TOP6BL: variants seen among roughly 807,000 people sequenced by gnomAD.
The protein encoded by TOP6BL is TOP6B like initiator of meiotic double strand breaks.
chr11:66,829,184 G>A, the TOP6BL span, among the ~76,000 whole-genome samples: 2 of 151,786 alleles, frequency 1.3e-5, no homozygotes, highest in Non-Finnish European at 2.9e-5. Context: ...CCAGGAGTAT[G>A]AGACCAGCCT....
chr11:66,750,437 C>T, the TOP6BL span, among the ~76,000 whole-genome samples: 2 of 152,016 alleles, frequency 1.3e-5, no homozygotes, highest in African/African-American at 4.8e-5. Flanking sequence ...ATCCCAGCTA[C>T]TCGGGAGGCT....
chr11:66,837,958 C>A, the TOP6BL span, among the ~76,000 whole-genome samples: 2 of 152,078 alleles, frequency 1.3e-5, no homozygotes, highest in African/African-American at 4.8e-5. Flanking sequence ...GTCAAACTTA[C>A]CTGGTGTAAG....
At chr11:66,758,962 GT>G in the TOP6BL span, 1 of 1,081,336 alleles carries the variant, frequency 9.2e-7, no homozygotes, top group Non-Finnish European at 1.3e-6. Flanking sequence ...TCTGTAAGCA[GT>G]TTTTTAGACT....
chr11:66,746,145 ATAGT>A, the TOP6BL span, among the ~76,000 whole-genome samples: 4 of 152,176 alleles, frequency 2.6e-5, no homozygotes, highest in African/African-American at 7.2e-5. Context: ...GTGTGAAGGA[ATAGT>A]TAGACTCTAC....
the TOP6BL span, among the ~76,000 whole-genome samples, chr11:66,809,994 T>G: frequency 1.3e-5 from 2 of 152,038 alleles, no homozygotes; most frequent in African/African-American, 4.8e-5. Context: ...ATGAAGAAAA[T>G]TATACCAAGT....
chr11:66,748,758 G>C, the TOP6BL span, among the ~76,000 whole-genome samples: 1 of 151,108 alleles, frequency 6.6e-6, no homozygotes, highest in African/African-American at 2.4e-5. Context: ...AGTTAAAATT[G>C]CTCAGAAACA....
chr11:66,784,744 C>A, the TOP6BL span, among the ~76,000 whole-genome samples: 1 of 152,228 alleles, frequency 6.6e-6, no homozygotes, highest in South Asian at 2.1e-4. Context: ...GAATACTCCC[C>A]ATTTGGTTAA....
At chr11:66,747,778 TG>T in the TOP6BL span, among the ~76,000 whole-genome samples, 3 of 151,998 alleles carry the variant, frequency 2.0e-5, no homozygotes, top group South Asian at 6.2e-4. Context: ...GCCACCACGC[TG>T]GGCTAATTTT....
At chr11:66,821,562 G>A in the TOP6BL span, 1 of 1,470,650 alleles carries the variant, frequency 6.8e-7, no homozygotes, top group Non-Finnish European at 9.2e-7. Flanking sequence ...GGCCACATCT[G>A]GTAATTTAAG....
the TOP6BL span, chr11:66,804,166 G>T: frequency 1.9e-6 from 3 of 1,611,004 alleles, no homozygotes; most frequent in Non-Finnish European, 2.5e-6. Context: ...CTTCCAACCA[G>T]CTTAACAGGA....
chr11:66,770,151 G>A, the TOP6BL span, among the ~76,000 whole-genome samples: 1 of 152,146 alleles, frequency 6.6e-6, no homozygotes, highest in Non-Finnish European at 1.5e-5. Context: ...GGCACAATGA[G>A]AAGGCAGCTA....
the TOP6BL span, among the ~76,000 whole-genome samples, chr11:66,774,972 G>C: frequency 6.6e-6 from 1 of 151,556 alleles, no homozygotes; most frequent in Non-Finnish European, 1.5e-5. Context: ...AATTAGCCAG[G>C]CATGGTGGCG....
chr11:66,829,291 T>G, the TOP6BL span, among the ~76,000 whole-genome samples: 1 of 151,386 alleles, frequency 6.6e-6, no homozygotes, highest in African/African-American at 2.4e-5. Flanking sequence ...GAGGTTGAGA[T>G]ACAGGCCGCG....
At chr11:66,777,060 T>G in the TOP6BL span, among the ~76,000 whole-genome samples, 1 of 150,176 alleles carries the variant, frequency 6.7e-6, no homozygotes, top group African/African-American at 2.4e-5. Flanking sequence ...TATATATCTA[T>G]ATCTATATAT....
chr11:66,769,841 T>C, the TOP6BL span, among the ~76,000 whole-genome samples: 4 of 151,588 alleles, frequency 2.6e-5, no homozygotes, highest in East Asian at 1.9e-4. Context: ...CCCGGGTTCA[T>C]GCCATTCTCC....
At chr11:66,760,153 A>G in the TOP6BL span, among the ~76,000 whole-genome samples, 1 of 152,178 alleles carries the variant, frequency 6.6e-6, no homozygotes, top group Non-Finnish European at 1.5e-5. Context: ...TCCTTGCTTT[A>G]AGAAAATATA....
chr11:66,824,802 T>C, the TOP6BL span, among the ~76,000 whole-genome samples: 1 of 152,160 alleles, frequency 6.6e-6, no homozygotes, highest in East Asian at 1.9e-4. Flanking sequence ...CTGCATAGTA[T>C]TCCATGGTGT....
chr11:66,755,028 G>C, the TOP6BL span, among the ~76,000 whole-genome samples: 2 of 152,042 alleles, frequency 1.3e-5, no homozygotes, highest in Non-Finnish European at 2.9e-5. Context: ...ATATAAATCA[G>C]GTTGTTTCTT....
chr11:66,744,967 G>GGGCTTTGTGAGGAGACC, the TOP6BL span: 2 of 1,242,308 alleles, frequency 1.6e-6, no homozygotes, highest in East Asian at 3.2e-5. Flanking sequence ...CTGAGGAGAC[G>GGGCTTTGTGAGGAGACC]GGCTTTGTGA....
Sources: gnomAD v4.1 joint callset for allele counts (sites outside exome capture counted in the v4.1 genomes callset) on GRCh38, gnomAD v4.1.1 for gene constraint, MANE v1.5 for transcripts, NCBI Gene and HGNC (gene_info 2026-07-23, HGNC 2026-07-21) for gene names.